Variants in MGMT observed in about 807,000 individuals in gnomAD.
The protein encoded by MGMT is O-6-methylguanine-DNA methyltransferase, also known as methylated-DNA--protein-cysteine methyltransferase.
In MGMT, 14 loss-of-function variants were observed where a neutral mutation model predicts 15.9. The ratio of observed to expected loss-of-function variants is 0.88; its 90% CI spans 0.58 to 1.37. The LOEUF (loss-of-function observed/expected upper bound fraction) is 1.37. Ranked by LOEUF, MGMT falls within the 40% of genes most tolerant of loss-of-function variation. The pLI is 0.00. For missense variants in MGMT, 282 were observed against 268.1 expected, an observed-to-expected ratio of 1.05 and a Z score of -0.36; for synonymous variants, 130 against 118.2, an observed-to-expected ratio of 1.10 and a Z score of -0.65.
In MGMT at chr10:129,700,441, C is replaced by T. The variant is rs1032340911; in HGVS notation, c.126-7454C>T. 5 of 152,292 alleles carry T rather than the reference C, an allele frequency of 3.3e-5. No individual in the cohort carries two copies. In the South Asian group the frequency reaches 8.3e-4, roughly 25 times the overall value. The allele number at this position is 152,292 out of a possible 1,614,324, so 9.4% of individuals were successfully genotyped here. A position where few individuals can be genotyped will look rare whatever the true frequency, so the allele number is the denominator to read the frequency against. On this transcript the variant is annotated intron_variant, in intron 2 of 4. Coordinates refer to ENST00000651593, the MANE Select transcript of MGMT (RefSeq NM_002412.5). ...CGGAGCAGTCACTGCCATGTTCCTT[C>T]GCAGCCTCCTCGGGGCCTCCATGAA...
chr10:129,547,714 A>G (rs1170832383), intron 2 of MGMT, among the ~76,000 whole-genome samples: 1 of 152,222 alleles, frequency 6.6e-6, no homozygotes, highest in East Asian at 1.9e-4. Flanking sequence ...CAGGTGAAGC[A>G]TTAGGAAATG....
chr10:129,568,849 A>G (rs760487956), intron 2 of MGMT, among the ~76,000 whole-genome samples: 10 of 152,034 alleles, frequency 6.6e-5, no homozygotes, highest in Non-Finnish European at 1.3e-4. Flanking sequence ...CTGCGCTGCA[A>G]CAGCTCTGGC....
intron 2 of MGMT, among the ~76,000 whole-genome samples, chr10:129,552,991 A>G (rs1846175330): frequency 6.6e-6 from 1 of 152,216 alleles, no homozygotes; most frequent in South Asian, 2.1e-4. Context: ...CAGTAAAAAC[A>G]TTTTACTTGT....
intron 2 of MGMT, among the ~76,000 whole-genome samples, chr10:129,578,135 A>G (rs372323068): frequency 7.2e-5 from 11 of 152,242 alleles, no homozygotes; most frequent in African/African-American, 2.2e-4. Context: ...CAATTCCTCA[A>G]GGATCTAGAA....
chr10:129,564,011 C>CG (rs1846310839), intron 2 of MGMT: 1 of 152,414 alleles, frequency 6.6e-6, no homozygotes, highest in Non-Finnish European at 1.5e-5. Context: ...CAGTGGTGGG[C>CG]TGGTTTGGGT....
intron 1 of MGMT, among the ~76,000 whole-genome samples, chr10:129,492,784 G>T (rs1352833877): frequency 6.6e-6 from 1 of 152,180 alleles, no homozygotes; most frequent in East Asian, 1.9e-4. Context: ...GACGAGTTTT[G>T]TAATTTTTCT....
rs60284981 is a variant in MGMT, at chr10:129,657,674, A to AACACACACAC, written c.126-50198_126-50189dup. Among the ~76,000 whole-genome samples the AACACACACAC allele has an allele frequency of 3.9e-3, 368 of 93,488 alleles. 2 individuals carry two copies. The highest frequency in any genetic ancestry group is 0.012 in the African/African-American group (342 of 27,788). 61.3% of individuals were successfully genotyped at this position (93,488 alleles called of 152,430 possible). A position where few individuals can be genotyped will look rare whatever the true frequency, so the allele number is the denominator to read the frequency against. On this transcript the variant is annotated intron_variant, in intron 2 of 4. Transcript: ENST00000651593. ...GGGGGACAGGCTGGCCAGCTCCTCC[A>AACACACACAC]ACACACACACACACACACACACACA...
At chr10:129,619,018 T>A (rs1377234026) in intron 2 of MGMT, among the ~76,000 whole-genome samples, 1 of 152,212 alleles carries the variant, frequency 6.6e-6, no homozygotes, top group African/African-American at 2.4e-5. Flanking sequence ...GTCTCCATAC[T>A]GCATTCAACA....
At chr10:129,568,414 C>G (rs1340021233) in intron 2 of MGMT, among the ~76,000 whole-genome samples, 1 of 152,122 alleles carries the variant, frequency 6.6e-6, no homozygotes, top group Non-Finnish European at 1.5e-5. Flanking sequence ...GGGCAAATGT[C>G]CTGGGATTGG....
intron 2 of MGMT, among the ~76,000 whole-genome samples, chr10:129,540,982 C>T (rs1334386271): frequency 6.6e-6 from 1 of 152,236 alleles, no homozygotes; most frequent in Non-Finnish European, 1.5e-5. Flanking sequence ...CTGGCTCTGG[C>T]CCCTGCCCTC....
At chr10:129,748,735 G>A (rs1848722343) in intron 3 of MGMT, among the ~76,000 whole-genome samples, 1 of 152,110 alleles carries the variant, frequency 6.6e-6, no homozygotes, top group Non-Finnish European at 1.5e-5. Context: ...CTAAACATTA[G>A]TTCCTATTGA....
rs1383064456 is a variant in MGMT, at chr10:129,769,890, G to C, written c.*2893G>C. Among the ~76,000 whole-genome samples, 1 of 152,188 alleles carries C rather than the reference G, an allele frequency of 6.6e-6. No homozygotes were observed. On this transcript the variant is annotated 3_prime_UTR_variant, in exon 5 of 5. Coordinates refer to ENST00000651593, the MANE Select transcript of MGMT (RefSeq NM_002412.5). ...TGGAGGAGCTCTTGCATGAGGAATTGCAGAACTTAGGGGCATGAATTTGCA... is the reference window on the plus strand; with the variant it reads ...TGGAGGAGCTCTTGCATGAGGAATTCCAGAACTTAGGGGCATGAATTTGCA...
chr10:129,646,740 A>AT lies in MGMT; in HGVS notation c.126-61154dup, dbSNP rs1278309872. Among the ~76,000 whole-genome samples, 9 of 87,932 alleles carry AT rather than the reference A, an allele frequency of 1.0e-4. 1 individual carries two copies. The highest frequency in any genetic ancestry group is 2.0e-4 in the Non-Finnish European group (8 of 39,520). The allele number at this position is 87,932 out of a possible 152,430, so 57.7% of individuals were successfully genotyped here. On this transcript the variant is annotated intron_variant, in intron 2 of 4. Transcript: ENST00000651593. ...CAGAAATATATATATATATATATAT[A>AT]TATATATATATATATTTTCAGGGAA...
At chr10:129,592,951 A>G (rs527772768) in intron 2 of MGMT, among the ~76,000 whole-genome samples, 1 of 152,304 alleles carries the variant, frequency 6.6e-6, no homozygotes, top group African/African-American at 2.4e-5. Context: ...TTGCATGAGG[A>G]AAAAAATAGC....
At position 129,480,329 on chromosome 10, in the gene MGMT, C is replaced by T. The variant is rs143061584; in HGVS notation, c.-13+13033C>T. On this transcript the variant is annotated intron_variant, in intron 1 of 4. Coordinates refer to ENST00000651593, the MANE Select transcript of MGMT (RefSeq NM_002412.5). ...AGCAGGGTGCAATCCGAGACCCGCTCTGTGAACTTTTTGCTCTCTATGACG... is the reference window on the plus strand; with the variant it reads ...AGCAGGGTGCAATCCGAGACCCGCTTTGTGAACTTTTTGCTCTCTATGACG... Among the ~76,000 whole-genome samples, 531 of 152,322 alleles carry T rather than the reference C, an allele frequency of 3.5e-3. 6 individuals are homozygous for T. Among genetic ancestry groups the T allele is most frequent in the African/African-American group, 0.012 (500 of 41,562 alleles).
intron 1 of MGMT, among the ~76,000 whole-genome samples, chr10:129,497,851 C>T (rs1202656936): frequency 1.3e-5 from 2 of 152,224 alleles, no homozygotes; most frequent in Non-Finnish European, 2.9e-5. Context: ...CGAGAAGGTG[C>T]TCTCTGTGAA....
chr10:129,657,414 G>A (rs1026358676), intron 2 of MGMT, among the ~76,000 whole-genome samples: 15 of 151,070 alleles, frequency 9.9e-5, no homozygotes, highest in East Asian at 9.8e-4. Context: ...GGGGTGGGGG[G>A]GGGAGCAACA....
intron 1 of MGMT, among the ~76,000 whole-genome samples, chr10:129,491,414 C>A (rs533949213): frequency 1.3e-5 from 2 of 152,154 alleles, no homozygotes; most frequent in African/African-American, 4.8e-5. Context: ...TGTTATGGTT[C>A]TTTGAGGTTT....
chr10:129,509,844 A>G (rs78213853), intron 1 of MGMT, among the ~76,000 whole-genome samples: 10,461 of 152,298 alleles, frequency 0.069, 1,202 homozygotes, highest in African/African-American at 0.24. Context: ...GGTCCCGTAA[A>G]TTGGATGACA....
Sources: gnomAD v4.1 joint callset for allele counts (sites outside exome capture counted in the v4.1 genomes callset) on GRCh38, gnomAD v4.1.1 for gene constraint, MANE v1.5 for transcripts, NCBI Gene and HGNC (gene_info 2026-07-23, HGNC 2026-07-21) for gene names.